Variants in XPO7 observed in about 807,000 individuals in gnomAD.
XPO7 encodes the protein exportin 7, also known as exportin-7.
A neutral mutation model predicts 144.3 loss-of-function variants in XPO7; 21 were observed. That is an observed-to-expected ratio of 0.15 (90% CI 0.10 to 0.21). The LOEUF is 0.21. XPO7 is among the 10% of genes least tolerant of loss of function. The probability of loss-of-function intolerance (pLI) is 1.00; values close to 1 mark genes in which losing one functional copy is unlikely to be tolerated. For missense variants in XPO7, 808 were observed against 1,325.8 expected (o/e 0.61, Z 6.06); for synonymous variants, 580 against 499.6 (o/e 1.16, Z -2.15).
intron 1 of XPO7, among the ~76,000 whole-genome samples, chr8:21,947,516 A>G (rs553663498): frequency 1.3e-5 from 2 of 152,320 alleles, no homozygotes; most frequent in South Asian, 4.1e-4. Flanking sequence ...AACCTTACTA[A>G]TACCATCACC....
intron 1 of XPO7, among the ~76,000 whole-genome samples, chr8:21,956,336 G>A (rs1248659468): frequency 6.6e-6 from 1 of 152,196 alleles, no homozygotes; most frequent in Non-Finnish European, 1.5e-5. Context: ...GCTAAAAGCA[G>A]CATATGGAAT....
Position 22,002,099 on chromosome 8 carries a change from T to G in XPO7, c.2783-13T>G. ...CAGCAGCTCTGTCCTACCCCTGCCTTTCTTTCTTGCAGACACCATGGTATG... is the reference window on the plus strand; with the variant it reads ...CAGCAGCTCTGTCCTACCCCTGCCTGTCTTTCTTGCAGACACCATGGTATG... On this transcript the variant is annotated splice_polypyrimidine_tract_variant and intron_variant, in intron 24 of 27. Transcript: ENST00000252512. 6.2e-7 allele frequency: 1 copy of G among 1,602,644 alleles called. No individual in the cohort carries two copies.
chr8:21,947,866 C>T (rs1811242753), intron 1 of XPO7, among the ~76,000 whole-genome samples: 1 of 152,096 alleles, frequency 6.6e-6, no homozygotes, highest in African/African-American at 2.4e-5. Flanking sequence ...TTGAGCTTCT[C>T]AAGTTGTATG....
chr8:21,961,638 A>C lies in XPO7; in HGVS notation c.19-5219A>C, dbSNP rs536369033. Among the ~76,000 whole-genome samples, 4 of 151,868 alleles carry C rather than the reference A, an allele frequency of 2.6e-5. No individual in the cohort carries two copies. The East Asian group carries it at 7.8e-4, about 30-fold the overall frequency. ...CACTTGATCTTGGCTTTTTCATTTT[A>C]GTCATTTTTTTCATTTTGTTTTGTT... On this transcript the variant is annotated intron_variant, in intron 1 of 27. Transcript: ENST00000252512.
chr8:21,962,269 T>C (rs1172080307), intron 1 of XPO7, among the ~76,000 whole-genome samples: 2 of 152,220 alleles, frequency 1.3e-5, no homozygotes, highest in Non-Finnish European at 1.5e-5. Flanking sequence ...GCCACCACGA[T>C]TGCCTTTCAT....
chr8:21,987,731 G>C, intron 14 of XPO7, 53 bp from the exon 15 acceptor site: 1 of 1,594,622 alleles, frequency 6.3e-7, no homozygotes, highest in Non-Finnish European at 8.6e-7. Flanking sequence ...ATAGTACCAG[G>C]ATGTGATTGT....
chr8:22,001,507 C>T (rs950011855), intron 24 of XPO7, among the ~76,000 whole-genome samples: 1 of 152,148 alleles, frequency 6.6e-6, no homozygotes, highest in South Asian at 2.1e-4. Context: ...CAGCTCCCCC[C>T]AGAGATGCTT....
intron 1 of XPO7, among the ~76,000 whole-genome samples, chr8:21,956,102 G>C (rs950128893): frequency 1.3e-5 from 2 of 152,178 alleles, no homozygotes; most frequent in Non-Finnish European, 2.9e-5. Flanking sequence ...TCAAAAAGGG[G>C]AGCATGGAGG....
chr8:22,002,392 T>G, intron 25 of XPO7, 120 bp downstream of exon 25: 1 of 1,238,814 alleles, frequency 8.1e-7, no homozygotes, highest in Middle Eastern at 2.7e-4. Context: ...GCTGCTGAGA[T>G]GAAGTCCGTG....
chr8:21,983,109 G>A (rs1346848046), intron 11 of XPO7, among the ~76,000 whole-genome samples: 1 of 152,084 alleles, frequency 6.6e-6, no homozygotes, highest in Non-Finnish European at 1.5e-5. Flanking sequence ...TTCTTTCAAT[G>A]TGAGAAACAT....
intron 1 of XPO7, among the ~76,000 whole-genome samples, chr8:21,958,277 C>T (rs76869449): frequency 6.6e-6 from 1 of 151,902 alleles, no homozygotes. Context: ...CAAATACTGA[C>T]CCATTGCTCC....
chr8:21,946,640 A>ATTTTTTTT (rs61593432), intron 1 of XPO7, among the ~76,000 whole-genome samples: 1 of 122,670 alleles, frequency 8.2e-6, no homozygotes, highest in Non-Finnish European at 1.7e-5. Flanking sequence ...GCAAAACAGG[A>ATTTTTTTT]TTTTTTTTTT....
At chr8:21,924,447 T>TCCCCCCCCCC (rs551761845) in intron 1 of XPO7, among the ~76,000 whole-genome samples, 6 of 131,992 alleles carry the variant, frequency 4.5e-5, no homozygotes, top group African/African-American at 1.7e-4. Context: ...GTAGCCCCCC[T>TCCCCCCCCCC]CCCCCCCCCA....
intron 15 of XPO7, chr8:21,988,396 T>TA: frequency 1.3e-5 from 2 of 157,280 alleles, no homozygotes; most frequent in East Asian, 3.8e-4. Context: ...TTTTTTTTTT[T>TA]ACGTTATACC....
chr8:21,925,967 CTCTCT>C (rs1436805401), intron 1 of XPO7, among the ~76,000 whole-genome samples: 4 of 152,240 alleles, frequency 2.6e-5, no homozygotes, highest in African/African-American at 9.6e-5. Flanking sequence ...ACAAATTGAG[CTCTCT>C]TATGCCCCAA....
At chr8:21,984,563 T>G in intron 11 of XPO7, 83 bp from the exon 12 acceptor site, 1 of 1,298,242 alleles carries the variant, frequency 7.7e-7, no homozygotes, top group Non-Finnish European at 1.0e-6. Context: ...GGTGGCTAAG[T>G]GAAGAAGTCA....
chr8:21,989,561 C>G (rs1812690643), intron 16 of XPO7, among the ~76,000 whole-genome samples: 1 of 152,160 alleles, frequency 6.6e-6, no homozygotes, highest in South Asian at 2.1e-4. Flanking sequence ...CAGGGGTCCA[C>G]AAGAAGGGTA....
rs1262552931 is a variant in XPO7, at chr8:22,004,121, T to G, written c.3170+91T>G. 1.7e-5 allele frequency: 27 copies of G among 1,547,706 alleles called. No individual in the cohort carries two copies. The Middle Eastern group carries it at 5.1e-4, about 29-fold the overall frequency. On this transcript the variant is annotated intron_variant, in intron 27 of 27. Transcript: ENST00000252512. Reference sequence around the variant, plus strand: ...CAGTTGCTTTAAAGTCTTTGACATCTGTGTTTGGAGGCCATCTAAAGCAAT... The same window carrying G: ...CAGTTGCTTTAAAGTCTTTGACATCGGTGTTTGGAGGCCATCTAAAGCAAT...
Position 21,944,504 on chromosome 8 carries a change from C to T in XPO7, c.19-22353C>T, listed in dbSNP as rs529845628. Among the ~76,000 whole-genome samples, 3 of 152,226 alleles carry T rather than the reference C, an allele frequency of 2.0e-5. No homozygotes were observed. In the East Asian group the frequency reaches 5.8e-4, roughly 29 times the overall value. ...ATCACTTGAACCCAGGAGGCGGAGG[C>T]TGCAGTGAGCTGAGACCACACCACT... On this transcript the variant is annotated intron_variant, in intron 1 of 27. Coordinates refer to ENST00000252512, the MANE Select transcript of XPO7 (RefSeq NM_015024.5).
Sources: allele counts gnomAD v4.1 joint callset (sites outside exome capture counted in the v4.1 genomes callset), GRCh38; gene constraint gnomAD v4.1.1; transcripts MANE v1.5; gene names NCBI Gene and HGNC (gene_info 2026-07-23, HGNC 2026-07-21).